Variants in PTPRD observed in about 807,000 individuals in gnomAD.
PTPRD encodes the protein receptor-type tyrosine-protein phosphatase delta.
PTPRD carries 34 observed loss-of-function variants against 214.5 expected under a neutral mutation model. The observed-to-expected ratio is 0.16, with a 90% CI of 0.12 to 0.21. PTPRD has a LOEUF of 0.21. PTPRD is among the 10% of genes least tolerant of loss of function. The probability of loss-of-function intolerance (pLI) is 1.00; values close to 1 mark genes in which losing one functional copy is unlikely to be tolerated. For synonymous variants in PTPRD, 1,128 were observed against 845.7 expected (o/e 1.33, Z -5.79); for missense variants, 2,545 against 2,398.7 (o/e 1.06, Z -1.27).
chr9:8,711,623 G>A (rs1385166392), intron 12 of PTPRD, among the ~76,000 whole-genome samples: 1 of 152,178 alleles, frequency 6.6e-6, no homozygotes, highest in Non-Finnish European at 1.5e-5. Context: ...GCAGGACCAT[G>A]TAGGGAGCTT....
chr9:10,287,080 T>G (rs1596205546), intron 3 of PTPRD, among the ~76,000 whole-genome samples: 3 of 152,112 alleles, frequency 2.0e-5, no homozygotes, highest in Non-Finnish European at 4.4e-5. Context: ...AAAAAAGATG[T>G]TTTACTCAGG....
At position 8,792,458 on chromosome 9, in the gene PTPRD, G is replaced by A. The variant is rs1028002703; in HGVS notation, c.-103-58512C>T. 2.0e-5 allele frequency among the ~76,000 whole-genome samples: 3 copies of A among 152,104 alleles called. No homozygotes were observed. In the South Asian group the frequency reaches 6.2e-4, roughly 32 times the overall value. The stretch of plus-strand genomic sequence containing the variant: ...CCTTAGCTGTCCTTTTCTAATGGGC[G>A]GCAGAAGCATTTATAATGGAGGTGA... On this transcript the variant is annotated intron_variant, in intron 11 of 45. Coordinates refer to ENST00000381196, the MANE Select transcript of PTPRD (RefSeq NM_002839.4).
chr9:9,077,258 G>C (rs182935446), intron 10 of PTPRD, among the ~76,000 whole-genome samples: 48 of 150,672 alleles, frequency 3.2e-4, no homozygotes, highest in Non-Finnish European at 5.2e-4. Context: ...CTTCCATTCT[G>C]TGGGTTGTCT....
chr9:9,845,043 T>G (rs1399601206), intron 5 of PTPRD, among the ~76,000 whole-genome samples: 3 of 129,702 alleles, frequency 2.3e-5, no homozygotes, highest in Admixed American at 1.6e-4. Flanking sequence ...TATATATATA[T>G]AGCTATATAT....
At chr9:9,433,536 G>T (rs980481160) in intron 8 of PTPRD, among the ~76,000 whole-genome samples, 1 of 133,030 alleles carries the variant, frequency 7.5e-6, no homozygotes, top group Non-Finnish European at 1.7e-5. Flanking sequence ...AACTAATTAA[G>T]TAAAAAGTGG....
At chr9:8,367,654 G>A (rs2080291773) in intron 39 of PTPRD, among the ~76,000 whole-genome samples, 1 of 152,116 alleles carries the variant, frequency 6.6e-6, no homozygotes, top group South Asian at 2.1e-4. Flanking sequence ...CTATGTTAAT[G>A]TATACATGCA....
At chr9:9,154,597 T>A (rs1044909998) in intron 10 of PTPRD, among the ~76,000 whole-genome samples, 8 of 152,186 alleles carry the variant, frequency 5.3e-5, no homozygotes, top group Non-Finnish European at 7.3e-5. Context: ...AATTATTACA[T>A]GAATTTTAAT....
chr9:10,132,644 G>T (rs1333851901), intron 3 of PTPRD, among the ~76,000 whole-genome samples: 1 of 152,152 alleles, frequency 6.6e-6, no homozygotes, highest in Non-Finnish European at 1.5e-5. Flanking sequence ...GGACCAATTT[G>T]TTGGTTGACT....
chr9:9,365,081 C>A (rs141492947), intron 9 of PTPRD, among the ~76,000 whole-genome samples: 6 of 151,544 alleles, frequency 4.0e-5, no homozygotes, highest in African/African-American at 1.4e-4. Context: ...CACCGTCATA[C>A]CCTGTGCTGG....
At chr9:10,291,388 T>C (rs2095523463) in intron 3 of PTPRD, among the ~76,000 whole-genome samples, 1 of 152,156 alleles carries the variant, frequency 6.6e-6, no homozygotes, top group Non-Finnish European at 1.5e-5. Context: ...TGTTGCCTTA[T>C]AGGGCAAAAG....
intron 3 of PTPRD, among the ~76,000 whole-genome samples, chr9:10,311,906 T>A (rs1441873367): frequency 1.3e-5 from 2 of 151,970 alleles, no homozygotes; most frequent in East Asian, 3.9e-4. Flanking sequence ...TTGGGAGAGA[T>A]GTCATAGAGC....
intron 9 of PTPRD, among the ~76,000 whole-genome samples, chr9:9,189,351 G>A (rs1012343567): frequency 6.6e-6 from 1 of 152,052 alleles, no homozygotes; most frequent in African/African-American, 2.4e-5. Flanking sequence ...TAACGTAGTA[G>A]TTAACTGCAG....
chr9:8,885,488 CTTTTTTTTTTT>C (rs35568734), intron 11 of PTPRD, among the ~76,000 whole-genome samples: 1 of 93,314 alleles, frequency 1.1e-5, no homozygotes, highest in African/African-American at 3.9e-5. Context: ...CACACAGCCT[CTTTTTTTTTTT>C]TTTTTTTTTT....
intron 11 of PTPRD, among the ~76,000 whole-genome samples, chr9:8,758,990 G>C (rs10977284): frequency 0.05 from 7,589 of 151,190 alleles, 468 homozygotes; most frequent in African/African-American, 0.15. Context: ...TGGCCTAACA[G>C]GGTCATTTTT....
intron 7 of PTPRD, among the ~76,000 whole-genome samples, chr9:9,615,928 C>A (rs2094831264): frequency 1.3e-5 from 2 of 152,130 alleles, no homozygotes; most frequent in South Asian, 2.1e-4. Flanking sequence ...TATTTTGTAA[C>A]CATCCCAAAA....
intron 39 of PTPRD, among the ~76,000 whole-genome samples, chr9:8,354,514 T>C (rs10976986): frequency 0.018 from 2,714 of 152,356 alleles, 93 homozygotes; most frequent in African/African-American, 0.061. Context: ...TAAAGAATTT[T>C]CTTTTTCTTT....
chr9:9,941,842 A>G (rs1366634169), intron 4 of PTPRD, among the ~76,000 whole-genome samples: 1 of 152,190 alleles, frequency 6.6e-6, no homozygotes, highest in African/African-American at 2.4e-5. Context: ...CAAGGTTGCC[A>G]AAAGCACTAC....
chr9:9,724,955 G>A (rs1272292691), intron 7 of PTPRD, among the ~76,000 whole-genome samples: 1 of 152,114 alleles, frequency 6.6e-6, no homozygotes, highest in Non-Finnish European at 1.5e-5. Flanking sequence ...CTGGCTTTGG[G>A]AGACTCGCAG....
At chr9:8,599,356 T>A (rs4742525) in intron 14 of PTPRD, among the ~76,000 whole-genome samples, 1 of 152,066 alleles carries the variant, frequency 6.6e-6, no homozygotes, top group Non-Finnish European at 1.5e-5. Context: ...TATCTGTCTA[T>A]ATCACCCTGA....
Sources: gnomAD v4.1 joint callset for allele counts (sites outside exome capture counted in the v4.1 genomes callset) on GRCh38, gnomAD v4.1.1 for gene constraint, MANE v1.5 for transcripts, NCBI Gene and HGNC (gene_info 2026-07-23, HGNC 2026-07-21) for gene names.